MCF2: variants seen among roughly 807,000 people sequenced by gnomAD.
The protein encoded by MCF2 is proto-oncogene DBL.
A neutral mutation model predicts 82.5 loss-of-function variants in MCF2; 44 were observed. The observed-to-expected ratio is 0.53, with a 90% CI of 0.42 to 0.69. The LOEUF (loss-of-function observed/expected upper bound fraction) is 0.69, where lower values mean the gene tolerates loss of function less well. Among genes scored for constraint, MCF2 ranks in the 30% least tolerant of loss-of-function variants. The probability of loss-of-function intolerance (pLI) is 0.00; values close to 1 mark genes in which losing one functional copy is unlikely to be tolerated. For synonymous variants in MCF2, 217 were observed against 224.9 expected, an observed-to-expected ratio of 0.96 and a Z score of 0.32; for missense variants, 623 against 663.1, an observed-to-expected ratio of 0.94 and a Z score of 0.66.
At chrX:139,667,557 C>T (rs764027441) in intron 1 of MCF2, among the ~76,000 whole-genome samples, 4 of 111,757 alleles carry the variant, frequency 3.6e-5, no homozygotes, top group African/African-American at 1.3e-4. Context: ...TGTTCAGGTG[C>T]CCAAAGTGGT....
intron 3 of MCF2, among the ~76,000 whole-genome samples, chrX:139,630,146 G>C (rs1285180076): frequency 1.8e-5 from 2 of 111,725 alleles, no homozygotes; most frequent in East Asian, 5.6e-4. Flanking sequence ...TGAGTAGTTT[G>C]TTTTATTTTC....
At chrX:139,691,832 G>A in intron 1 of MCF2, 3 of 808,288 alleles carry the variant, frequency 3.7e-6, no homozygotes, top group Non-Finnish European at 3.6e-6. Context: ...AAGAAAAGCC[G>A]GCCGGGCTGG....
intron 15 of MCF2, among the ~76,000 whole-genome samples, chrX:139,603,892 C>T (rs1930765026): frequency 8.9e-6 from 1 of 111,901 alleles, no homozygotes; most frequent in East Asian, 2.8e-4. Flanking sequence ...AAGGTTGACA[C>T]ACAGTTCTTT....
At chrX:139,587,734 G>A (rs913411449) in exon 22 of MCF2, 2 of 1,191,375 alleles carry the variant, frequency 1.7e-6, no homozygotes, top group Non-Finnish European at 2.3e-6. Context: ...CTGCTGAAGA[G>A]AAATCTGAAA....
intron 1 of MCF2, among the ~76,000 whole-genome samples, chrX:139,698,960 G>T (rs1935433559): frequency 9.0e-6 from 1 of 111,396 alleles, no homozygotes; most frequent in Non-Finnish European, 1.9e-5. Context: ...CCCAAAACAT[G>T]TACAAGGAAG....
At position 139,604,767 on chromosome X, in the gene MCF2, GA is replaced by G. The variant is rs761045111; in HGVS notation, c.1674-18del. ...AAGAAAATGCTGTGAAAATTTCAGA[GA>G]AAAAAAATTGCATGATTTTATGTGA... is the stretch of plus-strand genomic sequence containing the variant. On this transcript the variant is annotated intron_variant, in intron 14 of 24. Transcript: ENST00000370576. 6.0e-6 allele frequency: 7 copies of G among 1,164,084 alleles called. No homozygotes were observed. The highest frequency in any genetic ancestry group is 2.3e-5 in the Admixed American group (1 of 43,216).
intron 1 of MCF2, among the ~76,000 whole-genome samples, chrX:139,658,156 C>T (rs932672599): frequency 6.3e-5 from 7 of 111,173 alleles, no homozygotes; most frequent in African/African-American, 2.0e-4. Context: ...TTTTATGTTC[C>T]AAATTTGAAA....
At chrX:139,672,292 T>A (rs778624916) in intron 1 of MCF2, among the ~76,000 whole-genome samples, 2 of 112,506 alleles carry the variant, frequency 1.8e-5, no homozygotes, top group Admixed American at 9.4e-5. Flanking sequence ...TTTTCCTAAC[T>A]GAATACGCTT....
chrX:139,605,029 C>T, intron 13 of MCF2, 45 bp from the exon 18 acceptor site: 1 of 728,739 alleles, frequency 1.4e-6, no homozygotes. Flanking sequence ...TAATTACATG[C>T]ACATTTGGTT....
At chrX:139,705,245 T>C (rs1013685447) in intron 1 of MCF2, among the ~76,000 whole-genome samples, 8 of 111,679 alleles carry the variant, frequency 7.2e-5, no homozygotes, top group African/African-American at 2.6e-4. Context: ...TCCAGGGGCA[T>C]AGGTTGCAGT....
At chrX:139,591,639 G>A (rs752425432) in intron 19 of MCF2, among the ~76,000 whole-genome samples, 1 of 110,649 alleles carries the variant, frequency 9.0e-6, no homozygotes, top group Non-Finnish European at 1.9e-5. Flanking sequence ...TACATGGTCA[G>A]GCCATGGGAT....
chrX:139,593,948 C>T (rs1569344741), intron 19 of MCF2, among the ~76,000 whole-genome samples: 1 of 110,766 alleles, frequency 9.0e-6, no homozygotes, highest in African/African-American at 3.3e-5. Flanking sequence ...AACAGAGAGC[C>T]AAATCATGAA....
Position 139,597,174 on chromosome X carries a change from A to G in MCF2, c.2055+286T>C, listed in dbSNP as rs1385060532. On this transcript the variant is annotated intron_variant, in intron 18 of 24. Transcript: ENST00000370576. ...ATTCCTATCTACAGGGGCAAGCAGC[A>G]ATTATGGAGCAATACGTTTTCTTAG... 2.7e-5 allele frequency among the ~76,000 whole-genome samples: 3 copies of G among 111,174 alleles called. No homozygotes were observed. The East Asian group carries it at 8.5e-4, about 31-fold the overall frequency.
intron 10 of MCF2, 89 bp downstream of exon 13, chrX:139,614,792 C>T (rs941446500): frequency 3.5e-6 from 3 of 852,322 alleles, no homozygotes; most frequent in South Asian, 2.4e-5. Context: ...CATCTATCCG[C>T]ATTGAAGAAT....
At chrX:139,627,927 T>C (rs1743232228) in intron 4 of MCF2, among the ~76,000 whole-genome samples, 1 of 111,831 alleles carries the variant, frequency 8.9e-6, no homozygotes, top group South Asian at 3.8e-4. Context: ...CACAATGAGA[T>C]ACCATCTCAC....
chrX:139,656,781 A>G (rs1275623076), intron 1 of MCF2, among the ~76,000 whole-genome samples: 2 of 112,417 alleles, frequency 1.8e-5, no homozygotes, highest in Non-Finnish European at 3.8e-5. Context: ...CCTGAAATAT[A>G]AAAGTGAGAA....
chrX:139,689,652 C>CTTTTTTTTTTTTTTTTTT (rs1569402929), intron 1 of MCF2, among the ~76,000 whole-genome samples: 1 of 108,527 alleles, frequency 9.2e-6, no homozygotes, highest in African/African-American at 3.4e-5. Flanking sequence ...CTTTGCATAT[C>CTTTTTTTTTTTTTTTTTT]TTATTTCCTT....
intron 23 of MCF2, among the ~76,000 whole-genome samples, chrX:139,586,142 G>A (rs1274222975): frequency 9.0e-6 from 1 of 111,594 alleles, no homozygotes; most frequent in Non-Finnish European, 1.9e-5. Flanking sequence ...TTTGTCTTCT[G>A]TAAAAGTTTC....
At position 139,583,398 on chromosome X, in the gene MCF2, A is replaced by G. The variant is rs188740708; in HGVS notation, c.2746-895T>C. On this transcript the variant is annotated intron_variant, in intron 24 of 24. Transcript: ENST00000370576. ...AAATATCAATAGATGTAACCTATAT[A>G]CCATGGAATACTCTGCAGCCATAAA... Among the ~76,000 whole-genome samples the G allele has an allele frequency of 8.0e-3, 897 of 111,780 alleles. 6 individuals carry two copies. Among genetic ancestry groups the G allele is most frequent in the African/African-American group, 0.027 (819 of 30,778 alleles).
Sources: allele counts gnomAD v4.1 joint callset (sites outside exome capture counted in the v4.1 genomes callset), GRCh38; gene constraint gnomAD v4.1.1; transcripts MANE v1.5; gene names NCBI Gene and HGNC (gene_info 2026-07-23, HGNC 2026-07-21).